VWA8: variants seen among roughly 807,000 people sequenced by gnomAD.
VWA8 encodes the protein von Willebrand factor A domain-containing protein 8.
Under a neutral mutation model 241.5 loss-of-function variants are expected in VWA8, and 221 were observed. The observed-to-expected ratio is 0.91, with a 90% CI of 0.82 to 1.02. The LOEUF (loss-of-function observed/expected upper bound fraction) is 1.02. VWA8 is among the 50% of genes least tolerant of loss of function. The pLI, the probability that VWA8 is intolerant of heterozygous loss-of-function variation, is 0.00. For synonymous variants in VWA8, 852 were observed against 827.1 expected (o/e 1.03, Z -0.52); for missense variants, 2,322 against 2,328.7 (o/e 1.00, Z 0.06).
At chr13:41,925,266 G>A (rs978813908) in intron 2 of VWA8, among the ~76,000 whole-genome samples, 1 of 152,300 alleles carries the variant, frequency 6.6e-6, no homozygotes, top group South Asian at 2.1e-4. Flanking sequence ...GCTTCAGGGA[G>A]TTCTTCAAGT....
At chr13:41,936,413 T>G (rs961023908) in intron 2 of VWA8, among the ~76,000 whole-genome samples, 4 of 152,206 alleles carry the variant, frequency 2.6e-5, no homozygotes, top group Non-Finnish European at 4.4e-5. Flanking sequence ...CATGAGATAC[T>G]TGTATATTAA....
At chr13:41,605,879 T>C (rs1299054430) in intron 39 of VWA8, among the ~76,000 whole-genome samples, 2 of 152,152 alleles carry the variant, frequency 1.3e-5, no homozygotes, top group East Asian at 3.8e-4. Context: ...TTAATATTAT[T>C]GTGGCTTTGA....
At chr13:41,713,716 G>A (rs2045332081) in intron 26 of VWA8, among the ~76,000 whole-genome samples, 1 of 152,034 alleles carries the variant, frequency 6.6e-6, no homozygotes, top group Admixed American at 6.6e-5. Context: ...AAGACACAAA[G>A]CACTGATACT....
intron 21 of VWA8, among the ~76,000 whole-genome samples, chr13:41,756,006 A>G (rs2045692357): frequency 6.6e-6 from 1 of 151,880 alleles, no homozygotes; most frequent in South Asian, 2.1e-4. Flanking sequence ...GAAACAAAAC[A>G]TACAAAAGAG....
At chr13:41,806,279 T>G (rs886904418) in intron 17 of VWA8, among the ~76,000 whole-genome samples, 12 of 152,038 alleles carry the variant, frequency 7.9e-5, no homozygotes, top group African/African-American at 2.4e-4. Context: ...ATCAAAAAAG[T>G]AGAAAAACTT....
rs567169842 is a variant in VWA8, at chr13:41,685,193, C to G, written c.4181G>C (p.Arg1394Pro). The G allele has an allele frequency of 3.1e-6, 5 of 1,613,108 alleles. No individual in the cohort carries two copies. The Admixed American group carries it at 6.7e-5, about 22-fold the overall frequency. The change falls in exon 35 of 45, where the codon CGA becomes CCA. Residue 1394 changes from arginine (R) to proline (P), a missense_variant. Arg to Pro is a moderately radical substitution (Grantham distance 103, BLOSUM62 -2). Transcript: ENST00000379310. ...SWKRPSSLHK[R>P]SGTDTSFYRG... ...ATAGAATGATGTATCAGTGCCACTT[C>G]GTTTATGCAAAGATGATGGTCTCTT... is the stretch of plus-strand genomic sequence containing the variant.
chr13:41,833,098 A>G (rs1418235218), intron 13 of VWA8, among the ~76,000 whole-genome samples: 1 of 152,150 alleles, frequency 6.6e-6, no homozygotes, highest in Non-Finnish European at 1.5e-5. Flanking sequence ...AAAGTTTTTC[A>G]AACTTACTAC....
At chr13:41,805,772 C>A (rs981025707) in intron 17 of VWA8, among the ~76,000 whole-genome samples, 9 of 151,866 alleles carry the variant, frequency 5.9e-5, no homozygotes, top group Non-Finnish European at 1.2e-4. Flanking sequence ...CAAGATTGCG[C>A]CATTGCACTC....
chr13:41,654,149 A>T (rs552002958), intron 37 of VWA8, among the ~76,000 whole-genome samples: 3 of 152,372 alleles, frequency 2.0e-5, no homozygotes, highest in African/African-American at 7.2e-5. Context: ...GGAATCAGAA[A>T]AATCACCACT....
chr13:41,588,809 G>C (rs2044436390), intron 41 of VWA8, among the ~76,000 whole-genome samples: 1 of 152,030 alleles, frequency 6.6e-6, no homozygotes, highest in Admixed American at 6.6e-5. Flanking sequence ...ATAATGAGCA[G>C]AGTTAGTAAT....
At chr13:41,726,705 T>C (rs559990614) in intron 24 of VWA8, among the ~76,000 whole-genome samples, 1 of 152,024 alleles carries the variant, frequency 6.6e-6, no homozygotes, top group Non-Finnish European at 1.5e-5. Context: ...CAAAAAATAA[T>C]CTCTCTGGGC....
intron 9 of VWA8, among the ~76,000 whole-genome samples, chr13:41,878,043 A>G (rs1363451310): frequency 3.3e-5 from 5 of 152,108 alleles, no homozygotes; most frequent in Non-Finnish European, 7.4e-5. Flanking sequence ...AAATAGTCTA[A>G]TTAAGTAATT....
chr13:41,918,334 A>T (rs1241357819), intron 2 of VWA8, among the ~76,000 whole-genome samples: 2 of 152,226 alleles, frequency 1.3e-5, no homozygotes, highest in African/African-American at 2.4e-5. Context: ...AGCACAGAGA[A>T]GATATTCAGC....
intron 5 of VWA8, among the ~76,000 whole-genome samples, chr13:41,888,873 A>T (rs1455815785): frequency 6.6e-6 from 1 of 152,196 alleles, no homozygotes; most frequent in Non-Finnish European, 1.5e-5. Context: ...GAAATCATAC[A>T]CCTAATTAAC....
chr13:41,908,842 C>T (rs1282896929), intron 3 of VWA8, among the ~76,000 whole-genome samples: 1 of 152,120 alleles, frequency 6.6e-6, no homozygotes, highest in East Asian at 1.9e-4. Context: ...TTTTACTAAA[C>T]ATGAGGAACA....
At chr13:41,607,951 CTGTG>C (rs112942448) in intron 39 of VWA8, among the ~76,000 whole-genome samples, 42 of 150,100 alleles carry the variant, frequency 2.8e-4, no homozygotes, top group African/African-American at 9.0e-4. Context: ...TTCTAAACTA[CTGTG>C]TGTGTGTGTG....
chr13:41,887,457 G>A lies in VWA8; in HGVS notation c.652-96C>T, dbSNP rs1288482284. On this transcript the variant is annotated intron_variant, in intron 5 of 44. Coordinates refer to ENST00000379310, the MANE Select transcript of VWA8 (RefSeq NM_015058.2). Reference sequence around the variant, plus strand: ...CAGGGACTTAGGACTTGACTGTTGAGAAAACTGTATTGGAGAACACTCTCA... The same window carrying A: ...CAGGGACTTAGGACTTGACTGTTGAAAAAACTGTATTGGAGAACACTCTCA... 8.2e-6 allele frequency: 11 copies of A among 1,334,304 alleles called. No individual in the cohort carries two copies. In the East Asian group the frequency reaches 2.2e-4, roughly 27 times the overall value. The allele number at this position is 1,334,304 out of a possible 1,614,324, so 82.7% of individuals were successfully genotyped here.
At chr13:41,930,855 C>G (rs57968440) in intron 2 of VWA8, among the ~76,000 whole-genome samples, 1 of 152,084 alleles carries the variant, frequency 6.6e-6, no homozygotes, top group Admixed American at 6.6e-5. Flanking sequence ...GCTTGTATAT[C>G]TACACAATAT....
At position 41,886,057 on chromosome 13, in the gene VWA8, T is replaced by C. The variant is rs764280805; in HGVS notation, c.867-29A>G. 2.8e-6 allele frequency: 4 copies of C among 1,409,650 alleles called. No homozygotes were observed. In the African/African-American group the frequency reaches 4.4e-5, roughly 15 times the overall value. The allele number at this position is 1,409,650 out of a possible 1,614,324, so 87.3% of individuals were successfully genotyped here. ...AGGGAAAAATGATATTAAATTTTAA[T>C]AGTTTTAAAATATAAAATGTGTAAG... On this transcript the variant is annotated intron_variant, in intron 7 of 44. Transcript: ENST00000379310.
Sources: gnomAD v4.1 joint callset for allele counts (sites outside exome capture counted in the v4.1 genomes callset) on GRCh38, gnomAD v4.1.1 for gene constraint, MANE v1.5 for transcripts, NCBI Gene and HGNC (gene_info 2026-07-23, HGNC 2026-07-21) for gene names.